Variants in PLCG2 observed in about 807,000 individuals in gnomAD.
The protein encoded by PLCG2 is phospholipase C gamma 2, also known as 1-phosphatidylinositol 4,5-bisphosphate phosphodiesterase gamma-2.
PLCG2 carries 69 observed loss-of-function variants against 175.6 expected under a neutral mutation model. The observed-to-expected ratio is 0.39, with a 90% CI of 0.32 to 0.48. The LOEUF (loss-of-function observed/expected upper bound fraction) is 0.48, where lower values mean the gene tolerates loss of function less well. PLCG2 is among the 20% of genes least tolerant of loss of function. PLCG2 has a pLI of 0.91. For missense variants in PLCG2, 1,798 were observed against 1,650.9 expected (o/e 1.09, Z -1.54); for synonymous variants, 827 against 624.0 (o/e 1.33, Z -4.85).
chr16:81,829,934 T>TCGGTGGCA (rs540355846), intron 2 of PLCG2, among the ~76,000 whole-genome samples: 6 of 152,040 alleles, frequency 3.9e-5, no homozygotes, highest in African/African-American at 1.4e-4. Flanking sequence ...ATTCTACCTC[T>TCGGTGGCA]CGGTGGCATC....
chr16:81,907,807 G>T (rs1327603756), intron 16 of PLCG2, 33 bp downstream of exon 16: 2 of 1,540,042 alleles, frequency 1.3e-6, no homozygotes, highest in Non-Finnish European at 1.8e-6. Context: ...TAGGGAGGAG[G>T]TCCCCAGGAA....
intron 11 of PLCG2, among the ~76,000 whole-genome samples, chr16:81,892,720 C>G (rs1285383733): frequency 6.6e-6 from 1 of 152,092 alleles, no homozygotes; most frequent in Non-Finnish European, 1.5e-5. Flanking sequence ...CAACTTGTGT[C>G]ATGGAGGTTT....
intron 26 of PLCG2, chr16:81,935,651 A>C: frequency 2.0e-6 from 2 of 985,314 alleles, no homozygotes; most frequent in Non-Finnish European, 2.4e-6. Context: ...CTGCCGGGCT[A>C]TCCCACCACA....
At chr16:81,881,663 G>C (rs1170351515) in intron 8 of PLCG2, among the ~76,000 whole-genome samples, 1 of 152,150 alleles carries the variant, frequency 6.6e-6, no homozygotes, top group Non-Finnish European at 1.5e-5. Flanking sequence ...ATGTATATTC[G>C]AGACGGAGCC....
chr16:81,761,151 C>T (rs909053785), intron 2 of PLCG2, among the ~76,000 whole-genome samples: 3 of 152,194 alleles, frequency 2.0e-5, no homozygotes, highest in Non-Finnish European at 4.4e-5. Flanking sequence ...CCCACCTTAG[C>T]CTCCCAAACT....
chr16:81,844,881 C>T lies in PLCG2; in HGVS notation c.194-9563C>T, dbSNP rs900466303. Among the ~76,000 whole-genome samples the T allele has an allele frequency of 2.6e-5, 4 of 152,332 alleles. No homozygotes were observed. In the East Asian group the frequency reaches 7.7e-4, roughly 29 times the overall value. On this transcript the variant is annotated intron_variant, in intron 2 of 32. Transcript: ENST00000564138. ...TCGAGGAGTTTTTGTCATGTCGGTA[C>T]ATAAGGATCTGCCTCCTTAATGTTC...
chr16:81,946,488 G>A (rs1278330403), intron 31 of PLCG2, among the ~76,000 whole-genome samples: 1 of 152,122 alleles, frequency 6.6e-6, no homozygotes, highest in Non-Finnish European at 1.5e-5. Flanking sequence ...ATTCTGTGTA[G>A]GCAGTGTAGG....
intron 3 of PLCG2, among the ~76,000 whole-genome samples, chr16:81,855,627 C>T (rs185982762): frequency 2.6e-5 from 4 of 152,136 alleles, no homozygotes; most frequent in African/African-American, 4.8e-5. Flanking sequence ...AGCTCTCAGT[C>T]GACTTGGGGA....
chr16:81,917,523 G>C (rs192622736), intron 19 of PLCG2, among the ~76,000 whole-genome samples: 4 of 152,160 alleles, frequency 2.6e-5, no homozygotes, highest in African/African-American at 9.6e-5. Context: ...CCAGGTGCAG[G>C]GGTCCCCTTT....
At chr16:81,860,172 A>ATTATTATTATTATTATTTTT (rs763047744) in intron 5 of PLCG2, among the ~76,000 whole-genome samples, 1 of 120,614 alleles carries the variant, frequency 8.3e-6, no homozygotes, top group Non-Finnish European at 1.7e-5. Flanking sequence ...TATTATTATT[A>ATTATTATTATTATTATTTTT]TTTTTTTTTT....
At chr16:81,839,724 G>T (rs189310206) in intron 2 of PLCG2, among the ~76,000 whole-genome samples, 5 of 152,148 alleles carry the variant, frequency 3.3e-5, no homozygotes, top group Admixed American at 6.5e-5. Flanking sequence ...CAGCAGGAGG[G>T]TGAAAAACAC....
intron 26 of PLCG2, 65 bp downstream of exon 26, chr16:81,934,596 A>T: frequency 1.0e-6 from 1 of 958,106 alleles, no homozygotes; most frequent in East Asian, 2.5e-5. Context: ...TTAGAGTCTG[A>T]TATTTTCAGA....
intron 2 of PLCG2, among the ~76,000 whole-genome samples, chr16:81,796,991 T>G (rs1179785699): frequency 6.6e-6 from 1 of 152,234 alleles, no homozygotes; most frequent in Non-Finnish European, 1.5e-5. Flanking sequence ...ACTGATACTA[T>G]GGATGGGTTG....
intron 13 of PLCG2, among the ~76,000 whole-genome samples, chr16:81,897,282 T>C (rs184214889): frequency 6.6e-6 from 1 of 152,244 alleles, no homozygotes; most frequent in Non-Finnish European, 1.5e-5. Flanking sequence ...TGGGGTAGAA[T>C]AGCAGTTACG....
chr16:81,954,763 A>G (rs1263141886), intron 31 of PLCG2, among the ~76,000 whole-genome samples: 2 of 152,086 alleles, frequency 1.3e-5, no homozygotes, highest in Admixed American at 1.3e-4. Context: ...GGTTGGTTCC[A>G]TGTCTTTGCT....
In PLCG2 at chr16:81,805,767, G is replaced by GTTTTTTTT. The variant is rs766609754; in HGVS notation, c.193+19593_193+19600dup. Among the ~76,000 whole-genome samples, 91 of 39,402 alleles carry GTTTTTTTT rather than the reference G, an allele frequency of 2.3e-3. 9 individuals carry two copies. The highest frequency in any genetic ancestry group is 3.6e-3 in the Non-Finnish European group (67 of 18,682). The allele number at this position is 39,402 out of a possible 152,430, so 25.8% of individuals were successfully genotyped here. A position where few individuals can be genotyped will look rare whatever the true frequency, so the allele number is the denominator to read the frequency against. On this transcript the variant is annotated intron_variant, in intron 2 of 32. Transcript: ENST00000564138. ...AGCCATGAGAGTAGTGTTTTGTTTTGTTTTTTTTTTTTTTTGTTTTTTTTT... is the reference window on the plus strand; with the variant it reads ...AGCCATGAGAGTAGTGTTTTGTTTTGTTTTTTTTTTTTTTTTTTTTTTTGTTTTTTTTT...
Position 81,937,859 on chromosome 16 carries a change from C to A in PLCG2, c.3154C>A (p.Pro1052Thr), listed in dbSNP as rs1188522392. Residue 1052 changes from proline (P) to threonine (T), a missense_variant, in exon 28 of 33, where the codon CCA (proline) becomes ACA (threonine). Pro to Thr is a conservative substitution (Grantham distance 38). Coordinates refer to ENST00000564138, the MANE Select transcript of PLCG2 (RefSeq NM_002661.5). ...GAGGACAGAGAAATATGACCCGATG[C>A]CACCCGAGTCCCAGAGGAAGATCCT... The part of the protein sequence containing the change: ...SMRTEKYDPM[P>T]PESQRKILMT... 6.2e-7 allele frequency: 1 copy of A among 1,613,948 alleles called. No homozygotes were observed. The highest frequency in any genetic ancestry group is 1.3e-5 in the African/African-American group (1 of 74,898).
intron 1 of PLCG2, among the ~76,000 whole-genome samples, chr16:81,780,397 C>T (rs951019214): frequency 6.6e-6 from 1 of 152,170 alleles, no homozygotes; most frequent in Non-Finnish European, 1.5e-5. Flanking sequence ...TTGGGCAGTT[C>T]CTGACTCTCT....
rs1044332780 is a variant in PLCG2, at chr16:81,864,936, G to A, written c.480-4278G>A. On this transcript the variant is annotated intron_variant, in intron 5 of 32. Transcript: ENST00000564138. ...AATAGTTGCCGTCCTTCTCCAAAGG[G>A]ATTCCCTTGTTTCCTAACCCACAGC... Among the ~76,000 whole-genome samples the A allele has an allele frequency of 3.3e-5, 5 of 152,214 alleles. No individual in the cohort carries two copies. In the East Asian group the frequency reaches 9.7e-4, roughly 29 times the overall value.
Sources: gnomAD v4.1 joint callset for allele counts (sites outside exome capture counted in the v4.1 genomes callset) on GRCh38, gnomAD v4.1.1 for gene constraint, MANE v1.5 for transcripts, NCBI Gene and HGNC (gene_info 2026-07-23, HGNC 2026-07-21) for gene names.